The following SPAG16 variants were observed in gnomAD, a reference collection of about 807,000 sequenced individuals.
The protein encoded by SPAG16 is sperm associated antigen 16.
SPAG16 carries 86 observed loss-of-function variants against 80.4 expected under a neutral mutation model. The ratio of observed to expected loss-of-function variants is 1.07; its 90% CI spans 0.90 to 1.28. SPAG16 has a LOEUF of 1.28. Ranked by LOEUF, SPAG16 falls within the 50% of genes most tolerant of loss-of-function variation. The probability of loss-of-function intolerance (pLI) is 0.00; values close to 1 mark genes in which losing one functional copy is unlikely to be tolerated. For missense variants in SPAG16, 870 were observed against 765.3 expected (o/e 1.14, Z -1.61); for synonymous variants, 294 against 265.9 (o/e 1.11, Z -1.03).
intron 10 of SPAG16, among the ~76,000 whole-genome samples, chr2:213,621,779 A>T (rs1046308231): frequency 3.3e-5 from 5 of 152,208 alleles, no homozygotes; most frequent in Non-Finnish European, 7.3e-5. Context: ...GAAAGGTTTG[A>T]TATATTTGTT....
chr2:213,825,399 T>C (rs930050563), intron 10 of SPAG16, among the ~76,000 whole-genome samples: 3 of 152,144 alleles, frequency 2.0e-5, no homozygotes, highest in Non-Finnish European at 2.9e-5. Context: ...GTATGTTCCT[T>C]CTATTCCCAG....
At chr2:214,368,340 T>C (rs1699612047) in intron 15 of SPAG16, among the ~76,000 whole-genome samples, 1 of 152,106 alleles carries the variant, frequency 6.6e-6, no homozygotes, top group African/African-American at 2.4e-5. Context: ...TAATATCTCC[T>C]CTGATTTCCT....
chr2:214,365,095 G>A (rs1183978873), intron 15 of SPAG16, among the ~76,000 whole-genome samples: 6 of 152,144 alleles, frequency 3.9e-5, no homozygotes, highest in Non-Finnish European at 7.4e-5. Flanking sequence ...AGAGGATAAG[G>A]AAGAGAGACG....
In SPAG16 at chr2:214,077,976, C is replaced by T. The variant is rs144565551; in HGVS notation, c.1528-30220C>T. ...TCTCATTGCAGCTGCTCTGGGCTTGCATCTCTTAAGTAAAGCGTTTGCACA... is the reference window on the plus strand; with the variant it reads ...TCTCATTGCAGCTGCTCTGGGCTTGTATCTCTTAAGTAAAGCGTTTGCACA... On this transcript the variant is annotated intron_variant, in intron 13 of 15. Coordinates refer to ENST00000331683, the MANE Select transcript of SPAG16 (RefSeq NM_024532.5). Among the ~76,000 whole-genome samples the T allele has an allele frequency of 4.3e-3, 652 of 152,310 alleles. 1 individual carries two copies. The highest frequency in any genetic ancestry group is 5.0e-3 in the Non-Finnish European group (340 of 68,022).
chr2:213,783,331 AAAAT>A (rs1297013209), intron 10 of SPAG16, among the ~76,000 whole-genome samples: 1 of 151,932 alleles, frequency 6.6e-6, no homozygotes, highest in African/African-American at 2.4e-5. Flanking sequence ...AAAAAAAAAA[AAAAT>A]CTTAATGACT....
chr2:213,594,782 A>G (rs1168822767), intron 10 of SPAG16, among the ~76,000 whole-genome samples: 2 of 152,214 alleles, frequency 1.3e-5, no homozygotes, highest in Non-Finnish European at 2.9e-5. Context: ...TTGCGAACTG[A>G]CACAAACTTT....
At chr2:213,361,830 G>C (rs983831594) in intron 7 of SPAG16, among the ~76,000 whole-genome samples, 15 of 98,120 alleles carry the variant, frequency 1.5e-4, no homozygotes, top group African/African-American at 4.3e-4. Flanking sequence ...CACACACACA[G>C]AGGCTGTGAA....
intron 15 of SPAG16, among the ~76,000 whole-genome samples, chr2:214,271,252 G>A (rs937647834): frequency 1.3e-5 from 2 of 151,680 alleles, no homozygotes; most frequent in African/African-American, 4.8e-5. Context: ...GTAGTAATGG[G>A]GATAAAAAAA....
chr2:213,465,516 T>G (rs1456742883), intron 9 of SPAG16, among the ~76,000 whole-genome samples: 1 of 152,210 alleles, frequency 6.6e-6, no homozygotes, highest in African/African-American at 2.4e-5. Flanking sequence ...TTCCCAAGTT[T>G]CTCTGGGAGG....
At chr2:213,950,673 C>T (rs1441499876) in intron 12 of SPAG16, among the ~76,000 whole-genome samples, 2 of 147,032 alleles carry the variant, frequency 1.4e-5, no homozygotes, top group African/African-American at 5.0e-5. Context: ...TCCCTCCCTC[C>T]TTCCTTCTCT....
chr2:213,806,133 A>T (rs78800361), intron 10 of SPAG16, among the ~76,000 whole-genome samples: 1 of 152,200 alleles, frequency 6.6e-6, no homozygotes, highest in Non-Finnish European at 1.5e-5. Flanking sequence ...CACACATATC[A>T]ATGTTCCAAT....
chr2:213,585,867 C>T (rs2060454269), intron 10 of SPAG16, among the ~76,000 whole-genome samples: 1 of 152,048 alleles, frequency 6.6e-6, no homozygotes, highest in South Asian at 2.1e-4. Flanking sequence ...TGACTCTTGC[C>T]CATGATAAGG....
chr2:214,012,284 A>ATTTTTTTTT lies in SPAG16; in HGVS notation c.1401-1666_1401-1665insTTTTTTTTT, dbSNP rs1483720818. 1.9e-3 allele frequency among the ~76,000 whole-genome samples: 104 copies of ATTTTTTTTT among 54,562 alleles called. 1 individual carries two copies. Among genetic ancestry groups the ATTTTTTTTT allele is most frequent in the Admixed American group, 2.6e-3 (11 of 4,152 alleles). 35.8% of individuals were successfully genotyped at this position (54,562 alleles called of 152,430 possible). ...CATATATATATATATATATATATATATATATTTTTTTTTTTTTTTTTTTTT... is the reference window on the plus strand; with the variant it reads ...CATATATATATATATATATATATATATTTTTTTTTTATATTTTTTTTTTTTTTTTTTTTT... On this transcript the variant is annotated intron_variant, in intron 12 of 15. Coordinates refer to ENST00000331683, the MANE Select transcript of SPAG16 (RefSeq NM_024532.5).
At chr2:213,552,972 C>T (rs1007126088) in intron 10 of SPAG16, among the ~76,000 whole-genome samples, 1 of 152,186 alleles carries the variant, frequency 6.6e-6, no homozygotes, top group African/African-American at 2.4e-5. Flanking sequence ...GGCCTTCAGC[C>T]ACAGACTGAA....
intron 10 of SPAG16, among the ~76,000 whole-genome samples, chr2:213,838,772 T>G (rs934689754): frequency 6.6e-6 from 1 of 152,166 alleles, no homozygotes; most frequent in Non-Finnish European, 1.5e-5. Context: ...CAAAGGAAAT[T>G]TTCTTATGCC....
intron 13 of SPAG16, among the ~76,000 whole-genome samples, chr2:214,068,627 G>T (rs991380075): frequency 6.6e-6 from 1 of 152,126 alleles, no homozygotes; most frequent in Non-Finnish European, 1.5e-5. Context: ...TCATAAATTG[G>T]AGTGTCTATG....
intron 12 of SPAG16, among the ~76,000 whole-genome samples, chr2:214,002,837 T>G (rs1350424474): frequency 6.6e-6 from 1 of 152,192 alleles, no homozygotes; most frequent in Admixed American, 6.6e-5. Flanking sequence ...TCTCCTTTAC[T>G]CAGTCTACTG....
At chr2:214,230,096 G>A (rs560176833) in intron 15 of SPAG16, among the ~76,000 whole-genome samples, 1 of 151,920 alleles carries the variant, frequency 6.6e-6, no homozygotes, top group African/African-American at 2.4e-5. Context: ...GTGAAGCAAT[G>A]AAAATAAAAA....
Position 213,813,741 on chromosome 2 carries a change from C to G in SPAG16, c.1071-48744C>G, listed in dbSNP as rs549265364. Among the ~76,000 whole-genome samples the G allele has an allele frequency of 2.0e-5, 3 of 152,248 alleles. No homozygotes were observed. The South Asian group carries it at 6.2e-4, about 32-fold the overall frequency. On this transcript the variant is annotated intron_variant, in intron 10 of 15. Coordinates refer to ENST00000331683, the MANE Select transcript of SPAG16 (RefSeq NM_024532.5). ...GGAAAAATTCCTTTGAGTTCAAATT[C>G]TCCAGTTTTGGAAATTTTATGCAAA... is the stretch of plus-strand genomic sequence containing the variant.
Sources: allele counts gnomAD v4.1 joint callset (sites outside exome capture counted in the v4.1 genomes callset), GRCh38; gene constraint gnomAD v4.1.1; transcripts MANE v1.5; gene names NCBI Gene and HGNC (gene_info 2026-07-23, HGNC 2026-07-21).